Variants in RARB observed in about 807,000 individuals in gnomAD.
RARB encodes HBV-activated protein.
RARB carries 17 observed loss-of-function variants against 51.9 expected under a neutral mutation model. The observed-to-expected ratio is 0.33, with a 90% CI of 0.22 to 0.49. RARB has a LOEUF of 0.49. Among genes scored for constraint, RARB ranks in the 20% least tolerant of loss-of-function variants. The pLI, the probability that RARB is intolerant of heterozygous loss-of-function variation, is 0.99. For synonymous variants in RARB, 215 were observed against 195.4 expected (o/e 1.10, Z -0.84); for missense variants, 369 against 550.8 (o/e 0.67, Z 3.30).
At chr3:25,406,087 C>T (rs1182522613) in intron 5 of RARB, among the ~76,000 whole-genome samples, 2 of 152,168 alleles carry the variant, frequency 1.3e-5, no homozygotes, top group South Asian at 2.1e-4. Flanking sequence ...TTTCTTTTTC[C>T]TGTGATTGCT....
chr3:25,027,509 A>G (rs1367464571), intron 2 of RARB, among the ~76,000 whole-genome samples: 5 of 151,974 alleles, frequency 3.3e-5, no homozygotes, highest in Admixed American at 6.6e-5. Flanking sequence ...AGCCCTCTTC[A>G]TTTTTCTGTC....
chr3:25,345,664 C>CAAAAAAAAAAAAA (rs71061207), intron 5 of RARB, among the ~76,000 whole-genome samples: 2 of 96,488 alleles, frequency 2.1e-5, no homozygotes, highest in African/African-American at 9.5e-5. Context: ...GACTCCGTCT[C>CAAAAAAAAAAAAA]AAAAAAAAAA....
intron 2 of RARB, among the ~76,000 whole-genome samples, chr3:25,494,253 G>GCACGCGCGTGCACTCA (rs1553623182): frequency 7.6e-6 from 1 of 131,852 alleles, no homozygotes; most frequent in African/African-American, 2.6e-5. Flanking sequence ...TGTATCTTAC[G>GCACGCGCGTGCACTCA]CACACACACA....
At chr3:25,134,829 T>C (rs1467744233) in intron 4 of RARB, among the ~76,000 whole-genome samples, 1 of 106,550 alleles carries the variant, frequency 9.4e-6, no homozygotes, top group Non-Finnish European at 2.1e-5. Context: ...TAACCGTCAC[T>C]GCCTCTACCT....
intron 2 of RARB, among the ~76,000 whole-genome samples, chr3:25,021,259 T>C (rs1559436709): frequency 6.6e-6 from 1 of 152,246 alleles, no homozygotes; most frequent in African/African-American, 2.4e-5. Flanking sequence ...TATGTAAGCA[T>C]TGAATCTCCA....
chr3:24,958,918 G>A (rs936260144), intron 2 of RARB, among the ~76,000 whole-genome samples: 2 of 152,184 alleles, frequency 1.3e-5, no homozygotes, highest in African/African-American at 4.8e-5. Flanking sequence ...TGCTTACTCA[G>A]CCCGCAGCTC....
At chr3:25,364,402 C>T (rs1706047985) in intron 5 of RARB, among the ~76,000 whole-genome samples, 1 of 152,184 alleles carries the variant, frequency 6.6e-6, no homozygotes, top group Admixed American at 6.5e-5. Flanking sequence ...ATCCTATGTA[C>T]CTCCTTCCCA....
At chr3:25,251,475 T>C (rs6778300) in intron 5 of RARB, among the ~76,000 whole-genome samples, 18,428 of 152,110 alleles carry the variant, frequency 0.12, 2,602 homozygotes, top group African/African-American at 0.33. Flanking sequence ...AAATTTTACA[T>C]TCTTGTTAGC....
At chr3:24,847,869 A>G (rs1446886117) in intron 1 of RARB, among the ~76,000 whole-genome samples, 1 of 152,226 alleles carries the variant, frequency 6.6e-6, no homozygotes, top group African/African-American at 2.4e-5. Flanking sequence ...TTGAGTAGCA[A>G]GGCAGTAGAG....
At chr3:25,458,330 T>C (rs902818875) in intron 1 of RARB, 21 of 152,216 alleles carry the variant, frequency 1.4e-4, no homozygotes, top group African/African-American at 4.8e-4. Flanking sequence ...AAAACATTTA[T>C]GTGCATAGAA....
chr3:25,569,744 T>C lies in RARB; in HGVS notation c.449-14T>C, dbSNP rs1700635726. 2 of 1,611,074 alleles carry C rather than the reference T, an allele frequency of 1.2e-6. No homozygotes were observed. Among genetic ancestry groups the C allele is most frequent in the Middle Eastern group, 1.7e-4 (1 of 6,026 alleles). On this transcript the variant is annotated splice_polypyrimidine_tract_variant and intron_variant, in intron 3 of 7. Coordinates refer to ENST00000330688, the MANE Select transcript of RARB (RefSeq NM_000965.5). ...CTTCAGCGACCCCTGATGTGCCTTC[T>C]CTCTCGTTTCCAGCTGTCAGGAATG...
chr3:25,080,937 A>T (rs1587428), intron 3 of RARB, among the ~76,000 whole-genome samples: 135,024 of 152,080 alleles, frequency 0.89, 60,275 homozygotes, highest in African/African-American at 0.97. Flanking sequence ...ATTAATTTTT[A>T]AAAAACTTTT....
intron 2 of RARB, among the ~76,000 whole-genome samples, chr3:24,958,268 T>TG (rs1696064796): frequency 7.6e-6 from 1 of 131,196 alleles, no homozygotes; most frequent in African/African-American, 3.1e-5. Context: ...TTTTTTTTTT[T>TG]TTTTTTTTTT....
At chr3:25,391,412 A>G (rs192588542) in intron 5 of RARB, among the ~76,000 whole-genome samples, 3 of 152,214 alleles carry the variant, frequency 2.0e-5, no homozygotes, top group Middle Eastern at 3.4e-3. Context: ...TAAATACTCA[A>G]TAGTGGGATT....
intron 2 of RARB, among the ~76,000 whole-genome samples, chr3:25,494,637 C>T (rs1023275907): frequency 2.6e-5 from 4 of 152,164 alleles, no homozygotes; most frequent in Non-Finnish European, 5.9e-5. Context: ...GGACAGGAAC[C>T]ACCTTTGTAT....
At chr3:25,550,845 T>C (rs1699821441) in intron 3 of RARB, among the ~76,000 whole-genome samples, 1 of 152,168 alleles carries the variant, frequency 6.6e-6, no homozygotes, top group South Asian at 2.1e-4. Flanking sequence ...TGGTGTTTGG[T>C]TTTCTGAACC....
chr3:25,325,183 A>G (rs1358991067), intron 5 of RARB, among the ~76,000 whole-genome samples: 1 of 152,162 alleles, frequency 6.6e-6, no homozygotes, highest in Non-Finnish European at 1.5e-5. Flanking sequence ...TTTAAACCAT[A>G]TAGTGTAGCT....
intron 4 of RARB, among the ~76,000 whole-genome samples, chr3:25,151,835 A>G (rs1700292218): frequency 6.6e-6 from 1 of 152,232 alleles, no homozygotes; most frequent in Admixed American, 6.5e-5. Context: ...CGGAAAACAT[A>G]ACACTGAGAA....
At chr3:25,398,781 A>G (rs1259763412) in intron 5 of RARB, among the ~76,000 whole-genome samples, 6 of 152,238 alleles carry the variant, frequency 3.9e-5, no homozygotes, top group African/African-American at 1.2e-4. Flanking sequence ...TATTAAACAA[A>G]TAACTGTATA....
Sources: allele counts gnomAD v4.1 joint callset (sites outside exome capture counted in the v4.1 genomes callset), GRCh38; gene constraint gnomAD v4.1.1; transcripts MANE v1.5; gene names NCBI Gene and HGNC (gene_info 2026-07-23, HGNC 2026-07-21).